The following LRRC40 variants were observed in gnomAD, a reference collection of about 807,000 sequenced individuals.
The protein encoded by LRRC40 is leucine rich repeat containing 40, also known as leucine-rich repeat-containing protein 40.
A neutral mutation model predicts 72.8 loss-of-function variants in LRRC40; 76 were observed. The observed-to-expected ratio is 1.04, with a 90% CI of 0.87 to 1.26. The LOEUF (loss-of-function observed/expected upper bound fraction) is 1.26. Among genes scored for constraint, LRRC40 ranks in the 50% most tolerant of loss-of-function variants. LRRC40 has a pLI of 0.00. For synonymous variants in LRRC40, 243 were observed against 254.2 expected, an observed-to-expected ratio of 0.96 and a Z score of 0.42; for missense variants, 684 against 698.9, an observed-to-expected ratio of 0.98 and a Z score of 0.24.
intron 13 of LRRC40, among the ~76,000 whole-genome samples, chr1:70,149,389 A>G (rs1352518068): frequency 1.3e-5 from 2 of 152,184 alleles, no homozygotes; most frequent in Non-Finnish European, 2.9e-5. Context: ...GAAAAAAAGC[A>G]ATAGTGAAGT....
At chr1:70,176,531 CAA>C (rs368720423) in intron 6 of LRRC40, among the ~76,000 whole-genome samples, 4 of 29,716 alleles carry the variant, frequency 1.3e-4, no homozygotes, top group African/African-American at 3.7e-4. Context: ...GAATCCATCT[CAA>C]AAAAAAAAAA....
At chr1:70,186,737 C>T (rs1668367594) in intron 3 of LRRC40, among the ~76,000 whole-genome samples, 1 of 152,054 alleles carries the variant, frequency 6.6e-6, no homozygotes. Context: ...AGAGAGCAAA[C>T]AGAGTTAGCT....
chr1:70,148,703 T>G, intron 13 of LRRC40, 31 bp from the exon 14 acceptor site: 1 of 1,376,318 alleles, frequency 7.3e-7, no homozygotes, highest in Non-Finnish European at 1.0e-6. Context: ...CACCTAAATA[T>G]ACTGGAATCA....
chr1:70,167,342 C>T (rs954747822), intron 9 of LRRC40, among the ~76,000 whole-genome samples: 2 of 151,760 alleles, frequency 1.3e-5, no homozygotes, highest in African/African-American at 4.8e-5. Context: ...GGCAAATCAT[C>T]TGAGGTCAGG....
At chr1:70,150,374 A>T (rs1466934680) in intron 13 of LRRC40, among the ~76,000 whole-genome samples, 1 of 152,166 alleles carries the variant, frequency 6.6e-6, no homozygotes, top group African/African-American at 2.4e-5. Context: ...TAGATGAGTT[A>T]TTTAGCTTCT....
chr1:70,173,833 A>G (rs1261859515), intron 7 of LRRC40, 124 bp from the exon 8 acceptor site: 9 of 489,278 alleles, frequency 1.8e-5, no homozygotes, highest in Non-Finnish European at 1.8e-5. Flanking sequence ...AAGGCCAAGT[A>G]ATGCAGACCT....
At chr1:70,181,317 C>G (rs1039060383) in intron 4 of LRRC40, 108 bp from the exon 5 acceptor site, 6 of 587,672 alleles carry the variant, frequency 1.0e-5, no homozygotes, top group Non-Finnish European at 1.7e-5. Context: ...ATAAAAGAGA[C>G]TACTTAAGAT....
intron 10 of LRRC40, among the ~76,000 whole-genome samples, chr1:70,158,785 T>C (rs1353707312): frequency 1.3e-5 from 2 of 152,254 alleles, no homozygotes; most frequent in African/African-American, 4.8e-5. Context: ...TAGTTTCTTA[T>C]TTACTAACAT....
At position 70,202,752 on chromosome 1, in the gene LRRC40, G is replaced by A. The variant is rs563025011; in HGVS notation, c.151+2638C>T. Among the ~76,000 whole-genome samples the A allele has an allele frequency of 1.3e-4, 20 of 152,270 alleles. No homozygotes were observed. The South Asian group carries it at 3.7e-3, about 28-fold the overall frequency. ...TAAATGTACTACATTAATGCAAGAT[G>A]TTAATAACAGAGGAAACTCTAAGCT... On this transcript the variant is annotated intron_variant, in intron 1 of 14. Coordinates refer to ENST00000370952, the MANE Select transcript of LRRC40 (RefSeq NM_017768.5).
intron 6 of LRRC40, among the ~76,000 whole-genome samples, chr1:70,178,590 C>T (rs2100300642): frequency 6.6e-6 from 1 of 152,274 alleles, no homozygotes; most frequent in East Asian, 1.9e-4. Flanking sequence ...TTATCTACTA[C>T]TTCTCCAGTT....
At chr1:70,154,681 A>C (rs1184498736) in intron 11 of LRRC40, among the ~76,000 whole-genome samples, 1 of 152,200 alleles carries the variant, frequency 6.6e-6, no homozygotes, top group Non-Finnish European at 1.5e-5. Context: ...AAACATCTAA[A>C]AAATTTTTGA....
Position 70,152,541 on chromosome 1 carries a change from A to G in LRRC40, c.1331T>C (p.Met444Thr), listed in dbSNP as rs1279379341. The G allele has an allele frequency of 6.6e-7, 1 of 1,507,396 alleles. No individual in the cohort carries two copies. Among genetic ancestry groups the G allele is most frequent in the Non-Finnish European group, 9.2e-7 (1 of 1,086,386 alleles). 93.4% of individuals were successfully genotyped at this position (1,507,396 alleles called of 1,614,324 possible). Residue 444 changes from methionine (M) to threonine (T), a missense_variant and splice_region_variant, in exon 12 of 15, where the codon ATG becomes ACG. By Grantham distance (81) the Met-to-Thr change is moderately conservative. Transcript: ENST00000370952. ...AGAAACCATTTCCTTCAGTTCTACCATCCTGAAACAAAAATAATTTTAAAA... is the reference window on the plus strand; with the variant it reads ...AGAAACCATTTCCTTCAGTTCTACCGTCCTGAAACAAAAATAATTTTAAAA... ...KNQLCEIPKR[M>T]VELKEMVSDV...
At position 70,175,827 on chromosome 1, in the gene LRRC40, G is replaced by A. The variant is rs1668090200; in HGVS notation, c.960C>T (p.Ser320=). The A allele has an allele frequency of 6.4e-7, 1 of 1,562,168 alleles. No individual in the cohort carries two copies. Among genetic ancestry groups the A allele is most frequent in the South Asian group, 1.2e-5 (1 of 81,374 alleles). ...AAACTTACCTACTAATATCATTGTT[G>A]CTTAGGTCAAGCCTTTCCAAGGACC... ...LLRSLERLDL[S]NNDISSLPYS... Residue 320 remains serine (S), a synonymous_variant, in exon 7 of 15, where the codon AGC becomes AGT. Coordinates refer to ENST00000370952, the MANE Select transcript of LRRC40 (RefSeq NM_017768.5).
intron 1 of LRRC40, among the ~76,000 whole-genome samples, chr1:70,190,825 C>T (rs1668484854): frequency 3.3e-5 from 5 of 151,866 alleles, no homozygotes; most frequent in Admixed American, 3.3e-4. Context: ...CACTGATTCT[C>T]CATTAGGTAT....
chr1:70,171,732 T>C (rs571333170), intron 9 of LRRC40, among the ~76,000 whole-genome samples: 61 of 152,284 alleles, frequency 4.0e-4, no homozygotes, highest in African/African-American at 1.4e-3. Flanking sequence ...AGAACACTCA[T>C]ATACTACTGG....
intron 9 of LRRC40, among the ~76,000 whole-genome samples, chr1:70,163,890 T>C (rs1667820548): frequency 1.3e-5 from 2 of 152,040 alleles, no homozygotes; most frequent in African/African-American, 2.4e-5. Context: ...CTTAGTCCAT[T>C]TGTGCTACTA....
intron 13 of LRRC40, 103 bp from the exon 14 acceptor site, chr1:70,148,775 G>T: frequency 1.5e-6 from 1 of 666,284 alleles, no homozygotes; most frequent in South Asian, 3.3e-5. Flanking sequence ...TTTCTTTAGT[G>T]TATGTTATTC....
At chr1:70,178,396 A>C (rs574288250) in intron 6 of LRRC40, among the ~76,000 whole-genome samples, 1 of 152,318 alleles carries the variant, frequency 6.6e-6, no homozygotes, top group East Asian at 1.9e-4. Flanking sequence ...GGTATATATA[A>C]AAAAGGCAAA....
intron 10 of LRRC40, among the ~76,000 whole-genome samples, chr1:70,157,596 C>T (rs944109545): frequency 6.6e-6 from 1 of 151,908 alleles, no homozygotes; most frequent in African/African-American, 2.4e-5. Context: ...CCCTAGATCC[C>T]CTTAGAATAG....
Sources: gnomAD v4.1 joint callset for allele counts (sites outside exome capture counted in the v4.1 genomes callset) on GRCh38, gnomAD v4.1.1 for gene constraint, MANE v1.5 for transcripts, NCBI Gene and HGNC (gene_info 2026-07-23, HGNC 2026-07-21) for gene names.